SHANK2: variants seen among roughly 807,000 people sequenced by gnomAD.
SHANK2 encodes the protein SH3 and multiple ankyrin repeat domains protein 2.
In SHANK2, 43 loss-of-function variants were observed where a neutral mutation model predicts 133.7. The observed-to-expected ratio is 0.32, with a 90% confidence interval of 0.25 to 0.41. SHANK2 has a LOEUF of 0.41. Ranked by LOEUF, SHANK2 falls within the 10% of genes least tolerant of loss-of-function variation. The pLI is 1.00. For missense variants in SHANK2, 1,994 were observed against 2,235.8 expected (o/e 0.89, Z 2.18); for synonymous variants, 1,017 against 952.8 (o/e 1.07, Z -1.24).
In SHANK2 at chr11:70,729,587, C is replaced by T. The variant is rs180730309; in HGVS notation, c.1778-30824G>A. On this transcript the variant is annotated intron_variant, in intron 14 of 25. Coordinates refer to ENST00000601538, the MANE Select transcript of SHANK2 (RefSeq NM_012309.5). Reference sequence around the variant, plus strand: ...TTGCCCAGGCTGGAGTGCAGTGGTGCGATCTCGGCTCACTGCAAGCTCCGC... The same window carrying T: ...TTGCCCAGGCTGGAGTGCAGTGGTGTGATCTCGGCTCACTGCAAGCTCCGC... Among the ~76,000 whole-genome samples the T allele has an allele frequency of 2.0e-3, 298 of 149,228 alleles. 1 individual carries two copies. Among genetic ancestry groups the T allele is most frequent in the South Asian group, 4.5e-3 (21 of 4,676 alleles).
At chr11:70,939,752 C>T (rs1328379750) in intron 10 of SHANK2, among the ~76,000 whole-genome samples, 1 of 152,182 alleles carries the variant, frequency 6.6e-6, no homozygotes, top group Non-Finnish European at 1.5e-5. Context: ...TGGCTCCTCT[C>T]TTTAGAGGTA....
intron 1 of SHANK2, among the ~76,000 whole-genome samples, chr11:71,228,765 T>C (rs1555122581): frequency 6.6e-6 from 1 of 152,074 alleles, no homozygotes; most frequent in East Asian, 1.9e-4. Flanking sequence ...TCTCAAAAAT[T>C]AATTAATAAT....
intron 9 of SHANK2, among the ~76,000 whole-genome samples, chr11:71,065,723 G>T (rs1403784495): frequency 5.6e-4 from 83 of 148,448 alleles, no homozygotes; most frequent in African/African-American, 2.0e-3. Flanking sequence ...GGGGAAGTTG[G>T]GGGTGGTACA....
intron 11 of SHANK2, among the ~76,000 whole-genome samples, chr11:70,834,060 G>A (rs907789936): frequency 6.6e-6 from 1 of 152,264 alleles, no homozygotes. Flanking sequence ...AACCAGAAGG[G>A]AAGAAAATAA....
chr11:71,063,850 A>AAT (rs1951015275), intron 9 of SHANK2, among the ~76,000 whole-genome samples: 1 of 152,122 alleles, frequency 6.6e-6, no homozygotes, highest in African/African-American at 2.4e-5. Flanking sequence ...TCCCTTAATA[A>AAT]ATGTACCTCC....
At chr11:70,664,653 C>T (rs1944645797) in intron 15 of SHANK2, among the ~76,000 whole-genome samples, 1 of 152,242 alleles carries the variant, frequency 6.6e-6, no homozygotes, top group Non-Finnish European at 1.5e-5. Context: ...CAACGCCATC[C>T]AAACCTTGCA....
chr11:71,132,654 A>G (rs1431842016), intron 3 of SHANK2, among the ~76,000 whole-genome samples: 1 of 152,204 alleles, frequency 6.6e-6, no homozygotes, highest in East Asian at 1.9e-4. Context: ...AAGGGTCCAC[A>G]TATAATCCTT....
chr11:70,674,231 G>A (rs1403098005), intron 15 of SHANK2, among the ~76,000 whole-genome samples: 2 of 152,218 alleles, frequency 1.3e-5, no homozygotes, highest in African/African-American at 4.8e-5. Flanking sequence ...TGGGCAGCCT[G>A]CAGAACTGTG....
intron 2 of SHANK2, among the ~76,000 whole-genome samples, chr11:71,222,837 C>T (rs1488199805): frequency 5.3e-5 from 8 of 152,248 alleles, no homozygotes; most frequent in South Asian, 2.1e-4. Context: ...CTTGTGACAC[C>T]TTTCGAGGAG....
intron 10 of SHANK2, among the ~76,000 whole-genome samples, chr11:70,942,044 G>A (rs868906769): frequency 9.2e-5 from 14 of 151,914 alleles, no homozygotes; most frequent in African/African-American, 1.9e-4. Context: ...AAAATTAGCC[G>A]GGTGTGGTGG....
chr11:70,585,436 T>G (rs1159651119), intron 17 of SHANK2, among the ~76,000 whole-genome samples: 1 of 152,118 alleles, frequency 6.6e-6, no homozygotes, highest in Non-Finnish European at 1.5e-5. Flanking sequence ...CAGCTCTAAG[T>G]CCCAGGCCAC....
At chr11:70,597,146 G>A (rs1039281098) in intron 17 of SHANK2, among the ~76,000 whole-genome samples, 2 of 152,036 alleles carry the variant, frequency 1.3e-5, no homozygotes, top group South Asian at 2.1e-4. Flanking sequence ...AGCAGGTTTC[G>A]CACAAAATGG....
intron 14 of SHANK2, among the ~76,000 whole-genome samples, chr11:70,797,107 C>T (rs1272157020): frequency 6.6e-6 from 1 of 152,214 alleles, no homozygotes; most frequent in Admixed American, 6.5e-5. Context: ...ATAAATGGAT[C>T]TGTGAGCCAA....
chr11:70,695,533 C>A (rs782660731), intron 15 of SHANK2, among the ~76,000 whole-genome samples: 4 of 152,216 alleles, frequency 2.6e-5, no homozygotes, highest in Non-Finnish European at 5.9e-5. Context: ...CACTGGCCCT[C>A]CTCCTCGTCA....
intron 17 of SHANK2, among the ~76,000 whole-genome samples, chr11:70,612,865 C>G (rs1329019127): frequency 2.0e-5 from 3 of 152,216 alleles, no homozygotes; most frequent in Non-Finnish European, 4.4e-5. Flanking sequence ...TCCACGTTCC[C>G]CTCCACAGCA....
At position 71,157,700 on chromosome 11, in the gene SHANK2, C is replaced by A. The variant is rs562344166; in HGVS notation, c.-12-10362G>T. Among the ~76,000 whole-genome samples, 4 of 152,322 alleles carry A rather than the reference C, an allele frequency of 2.6e-5. No individual in the cohort carries two copies. The South Asian group carries it at 8.3e-4, about 32-fold the overall frequency. On this transcript the variant is annotated intron_variant, in intron 2 of 25. Transcript: ENST00000601538. ...TATGACAGGTTTCCATTTCAGTTTT[C>A]TTAGAGCAGAATTCAAGGGGTTCTG...
chr11:70,663,639 C>G (rs1453309321), intron 15 of SHANK2, among the ~76,000 whole-genome samples: 3 of 152,204 alleles, frequency 2.0e-5, no homozygotes, highest in Non-Finnish European at 4.4e-5. Context: ...CCGTTGTCAG[C>G]AGCTGGGAGG....
At chr11:70,917,907 C>G (rs1950291835) in intron 10 of SHANK2, among the ~76,000 whole-genome samples, 1 of 152,144 alleles carries the variant, frequency 6.6e-6, no homozygotes, top group Non-Finnish European at 1.5e-5. Context: ...CTAATGGGCA[C>G]TAGGTTTAAT....
At chr11:70,655,623 T>C (rs1555011375) in intron 17 of SHANK2, among the ~76,000 whole-genome samples, 1 of 152,202 alleles carries the variant, frequency 6.6e-6, no homozygotes, top group African/African-American at 2.4e-5. Context: ...TGAGTTGAAC[T>C]GTAAGGATGT....
Sources: gnomAD v4.1 joint callset for allele counts (sites outside exome capture counted in the v4.1 genomes callset) on GRCh38, gnomAD v4.1.1 for gene constraint, MANE v1.5 for transcripts, NCBI Gene and HGNC (gene_info 2026-07-23, HGNC 2026-07-21) for gene names.